Variants in SUN5 observed in about 807,000 individuals in gnomAD.
SUN5 encodes Sad1 and UNC84 domain containing 5.
A neutral mutation model predicts 53.7 loss-of-function variants in SUN5; 44 were observed. That is an observed-to-expected ratio of 0.82 (90% CI 0.64 to 1.05). The LOEUF (loss-of-function observed/expected upper bound fraction) is 1.05, where lower values mean the gene tolerates loss of function less well. SUN5 is among the 50% of genes least tolerant of loss of function. The pLI, the probability that SUN5 is intolerant of heterozygous loss-of-function variation, is 0.00. For missense variants in SUN5, 433 were observed against 483.8 expected (o/e 0.90, Z 0.98); for synonymous variants, 166 against 179.8 (o/e 0.92, Z 0.62).
intron 12 of SUN5, 147 bp downstream of exon 12, chr20:32,984,952 T>C: frequency 1.3e-6 from 1 of 799,464 alleles, no homozygotes; most frequent in Non-Finnish European, 2.0e-6. Context: ...TCCTACTCTC[T>C]GAGCCTCAGT....
chr20:32,987,651 C>T lies in SUN5; in HGVS notation c.729+9G>A. The T allele has an allele frequency of 6.3e-7, 1 of 1,584,922 alleles. No individual in the cohort carries two copies. Among genetic ancestry groups the T allele is most frequent in the South Asian group, 1.1e-5 (1 of 87,428 alleles). The stretch of plus-strand genomic sequence containing the variant: ...CTGCCGCTGTCCCATCTCCCGCCAT[C>T]CCCCCTGCCTCAAGGATCACGTCTG... On this transcript the variant is annotated intron_variant, in intron 10 of 12. Coordinates refer to ENST00000356173, the MANE Select transcript of SUN5 (RefSeq NM_080675.4).
chr20:32,989,564 G>A, intron 9 of SUN5, 56 bp downstream of exon 9: 1 of 1,517,934 alleles, frequency 6.6e-7, no homozygotes, highest in Non-Finnish European at 9.2e-7. Context: ...CCCACCCTGT[G>A]TACAGCTTCC....
Position 32,987,780 on chromosome 20 carries a change from A to G in SUN5, c.614-5T>C. The G allele has an allele frequency of 6.2e-7, 1 of 1,609,504 alleles. No homozygotes were observed. Among genetic ancestry groups the G allele is most frequent in the South Asian group, 1.1e-5 (1 of 89,768 alleles). ...GCTCAAAGTCAATGCTGGCCCCTGT[A>G]TAGGAGAAGGGGGTCTCAGCCAAGC... is the stretch of plus-strand genomic sequence containing the variant. On this transcript the variant is annotated splice_polypyrimidine_tract_variant and splice_region_variant and intron_variant, in intron 9 of 12. Coordinates refer to ENST00000356173, the MANE Select transcript of SUN5 (RefSeq NM_080675.4).
At chr20:33,001,547 T>TTTCTTTCTTTCTTTCTTTCTTTC (rs1229525433) in intron 3 of SUN5, among the ~76,000 whole-genome samples, 3 of 138,058 alleles carry the variant, frequency 2.2e-5, no homozygotes, top group Non-Finnish European at 4.5e-5. Flanking sequence ...TCTTTCTTTC[T>TTTCTTTCTTTCTTTCTTTCTTTC]TTCTTTCTTT....
chr20:32,992,300 G>GA (rs1989730273), intron 8 of SUN5, among the ~76,000 whole-genome samples: 1 of 152,206 alleles, frequency 6.6e-6, no homozygotes, highest in Admixed American at 6.5e-5. Flanking sequence ...GAGAACCACT[G>GA]ATTTAGCAGA....
In SUN5 at chr20:32,985,204, G is replaced by A; in HGVS notation, c.898-19C>T. ...CCATGCCCTGTGGAACCAGAACCAAGGTGAAGGCGTCAGATACAAGCAGGG... is the reference window on the plus strand; with the variant it reads ...CCATGCCCTGTGGAACCAGAACCAAAGTGAAGGCGTCAGATACAAGCAGGG... On this transcript the variant is annotated intron_variant, in intron 11 of 12. Transcript: ENST00000356173. The A allele has an allele frequency of 1.9e-6, 3 of 1,612,652 alleles. No homozygotes were observed. Among genetic ancestry groups the A allele is most frequent in the Non-Finnish European group, 2.5e-6 (3 of 1,178,906 alleles).
chr20:32,995,529 T>TA (rs1989822882), intron 8 of SUN5, 90 bp downstream of exon 8: 1 of 1,139,978 alleles, frequency 8.8e-7, no homozygotes, highest in Non-Finnish European at 1.3e-6. Flanking sequence ...AAATGAGAGA[T>TA]AAAACCAAGA....
chr20:32,986,465 A>T (rs918785841), intron 10 of SUN5, among the ~76,000 whole-genome samples: 2 of 152,132 alleles, frequency 1.3e-5, no homozygotes, highest in African/African-American at 2.4e-5. Flanking sequence ...AAAGGCGATT[A>T]CTCGGTCGGT....
chr20:32,996,301 G>A, intron 7 of SUN5, 23 bp downstream of exon 7: 1 of 1,611,554 alleles, frequency 6.2e-7, no homozygotes, highest in Non-Finnish European at 8.5e-7. Context: ...TAATAATATG[G>A]TTACCCAGAA....
intron 1 of SUN5, 134 bp downstream of exon 1, chr20:33,004,130 C>T (rs1455375367): frequency 1.0e-6 from 1 of 992,818 alleles, no homozygotes; most frequent in Non-Finnish European, 1.4e-6. Flanking sequence ...ATACCACTGC[C>T]AAACCTCTCT....
At chr20:32,999,919 T>C in intron 5 of SUN5, 155 bp downstream of exon 5, 1 of 1,549,922 alleles carries the variant, frequency 6.5e-7, no homozygotes, top group Non-Finnish European at 8.7e-7. Flanking sequence ...ATTTTCATGG[T>C]CATCATTTCA....
rs1989526852 is a variant in SUN5, at chr20:32,985,923, T to C, written c.730-20A>G. 1 of 1,610,666 alleles carries C rather than the reference T, an allele frequency of 6.2e-7. No homozygotes were observed. The highest frequency in any genetic ancestry group is 1.1e-5 in the South Asian group (1 of 90,384). On this transcript the variant is annotated intron_variant, in intron 10 of 12. Coordinates refer to ENST00000356173, the MANE Select transcript of SUN5 (RefSeq NM_080675.4). The stretch of plus-strand genomic sequence containing the variant: ...GTTGGGCTAGAAGAGGCAAGTACAA[T>C]AAGGGATATGCTGGGTGGGTAGGGG...
intron 9 of SUN5, among the ~76,000 whole-genome samples, chr20:32,988,310 C>T (rs562251903): frequency 2.0e-5 from 3 of 152,284 alleles, no homozygotes; most frequent in South Asian, 2.1e-4. Context: ...TATCTGACCC[C>T]GCGTCTCACT....
chr20:33,002,070 A>C (rs1990064689), intron 3 of SUN5, among the ~76,000 whole-genome samples: 1 of 152,178 alleles, frequency 6.6e-6, no homozygotes, highest in African/African-American at 2.4e-5. Flanking sequence ...CAGAATGCCC[A>C]CTATGGAGCT....
chr20:32,984,010 G>C lies in SUN5; in HGVS notation c.985-61C>G, dbSNP rs562467913. 2.6e-5 allele frequency: 38 copies of C among 1,437,482 alleles called. No homozygotes were observed. In the South Asian group the frequency reaches 4.2e-4, roughly 16 times the overall value. 89.0% of individuals were successfully genotyped at this position (1,437,482 alleles called of 1,614,324 possible). ...TAGACTCCCACCCTGCCTTTCCAAA[G>C]GTGGGGAGTGGAAGGGAAGTTTCCC... On this transcript the variant is annotated intron_variant, in intron 12 of 12. Coordinates refer to ENST00000356173, the MANE Select transcript of SUN5 (RefSeq NM_080675.4).
At chr20:32,991,257 A>G (rs1600493229) in intron 8 of SUN5, among the ~76,000 whole-genome samples, 1 of 152,218 alleles carries the variant, frequency 6.6e-6, no homozygotes, top group Non-Finnish European at 1.5e-5. Context: ...GATCCCCAGC[A>G]CGCAGTAGGC....
chr20:33,001,551 TTTC>T (rs1332030414), intron 3 of SUN5, among the ~76,000 whole-genome samples: 5 of 138,246 alleles, frequency 3.6e-5, no homozygotes, highest in Non-Finnish European at 6.0e-5. Flanking sequence ...TCTTTCTTTC[TTTC>T]TTTCTTTCTT....
Position 33,002,681 on chromosome 20 carries a change from G to C in SUN5, c.137-20C>G, listed in dbSNP as rs764994881. On this transcript the variant is annotated intron_variant, in intron 2 of 12. Transcript: ENST00000356173. ...TGTCATCTGCAGAGAGCACAGGACT[G>C]TCATGTCACTGCCAGCCTCTTGATT... 7 of 1,613,880 alleles carry C rather than the reference G, an allele frequency of 4.3e-6. No individual in the cohort carries two copies. In the East Asian group the frequency reaches 1.6e-4, roughly 36 times the overall value.
Position 32,987,843 on chromosome 20 carries a change from G to A in SUN5, c.614-68C>T, listed in dbSNP as rs114181968. ...GCCTGGTGGAGGGGACGCCACTGAT[G>A]GGCCCTGACTATGTGCCGGGCGAGC... On this transcript the variant is annotated intron_variant, in intron 9 of 12. Coordinates refer to ENST00000356173, the MANE Select transcript of SUN5 (RefSeq NM_080675.4). 7.0e-4 allele frequency: 904 copies of A among 1,298,308 alleles called. 3 individuals carry two copies. The African/African-American group carries it at 0.012, about 18-fold the overall frequency. 80.4% of individuals were successfully genotyped at this position (1,298,308 alleles called of 1,614,324 possible). A position where few individuals can be genotyped will look rare whatever the true frequency, so the allele number is the denominator to read the frequency against.
Sources: allele counts gnomAD v4.1 joint callset (sites outside exome capture counted in the v4.1 genomes callset), GRCh38; gene constraint gnomAD v4.1.1; transcripts MANE v1.5; gene names NCBI Gene and HGNC (gene_info 2026-07-23, HGNC 2026-07-21).